Variants in AEBP1 observed in about 807,000 individuals in gnomAD.
The protein encoded by AEBP1 is adipocyte enhancer-binding protein 1.
Under a neutral mutation model 116.5 loss-of-function variants are expected in AEBP1, and 69 were observed. That is an observed-to-expected ratio of 0.59 (90% confidence interval 0.49 to 0.72). AEBP1 has a LOEUF of 0.72. AEBP1 is among the 30% of genes least tolerant of loss of function. The pLI is 0.00. For synonymous variants in AEBP1, 627 were observed against 627.3 expected (o/e 1.00, Z 0.01); for missense variants, 1,444 against 1,557.5 (o/e 0.93, Z 1.23).
Position 44,114,056 on chromosome 7 carries a change from C to T in AEBP1, c.3272C>T (p.Thr1091Ile). The change falls in exon 21 of 21, where the codon ACA becomes ATA. Residue 1091 changes from threonine to isoleucine, a missense_variant. Coordinates refer to ENST00000223357, the MANE Select transcript of AEBP1 (RefSeq NM_001129.5). ...SETETYTEVV[T>I]EFGTEVEPEF... ...ACTGAGACCTACACAGAGGTGGTGA[C>T]AGAGTTTGGGACCGAGGTGGAGCCC... The T allele has an allele frequency of 6.2e-7, 1 of 1,614,140 alleles. No homozygotes were observed. Among genetic ancestry groups the T allele is most frequent in the Non-Finnish European group, 8.5e-7 (1 of 1,180,028 alleles).
rs774072345 is a variant in AEBP1, at chr7:44,113,252, GTGCACC to G, written c.2711_2716del (p.Val904_Arg906delinsGly). 4 of 1,613,640 alleles carry G rather than the reference GTGCACC, an allele frequency of 2.5e-6. No homozygotes were observed. In the East Asian group the frequency reaches 8.9e-5, roughly 36 times the overall value. The stretch of plus-strand genomic sequence containing the variant: ...CAGCAGCCCTCACCTGCTTCCCTAG[GTGCACC>G]GCGGCATTAAGGGGGTGGTGACGGA... On this transcript the variant is annotated inframe_deletion and splice_region_variant, in exon 20 of 21. Transcript: ENST00000223357. The surrounding 1 kb of genome is among the most constrained non-coding windows in gnomAD (Gnocchi z 5.3).
Position 44,109,288 on chromosome 7 carries a change from A to G in AEBP1, c.1097A>G (p.Glu366Gly). 1 of 1,492,394 alleles carries G rather than the reference A, an allele frequency of 6.7e-7. No homozygotes were observed. Among genetic ancestry groups the G allele is most frequent in the Non-Finnish European group, 9.0e-7 (1 of 1,106,476 alleles). The allele number at this position is 1,492,394 out of a possible 1,614,324, so 92.4% of individuals were successfully genotyped here. A position where few individuals can be genotyped will look rare whatever the true frequency, so the allele number is the denominator to read the frequency against. Residue 366 changes from glutamate (E) to glycine (G), a missense_variant and splice_region_variant, in exon 9 of 21, where the codon GAG (glutamate) becomes GGG (glycine). Glu to Gly is a moderately conservative substitution (Grantham distance 98). Transcript: ENST00000223357. The stretch of plus-strand genomic sequence containing the variant: ...CATGTCCTCCCTTCATTGTCCCTAG[A>G]GCCCCGAAAGGGCGAGGAGTTGGAG... Reference protein sequence around the residue: ...WAVEKGKDHKEPRKGEELEEE... With the variant: ...WAVEKGKDHKGPRKGEELEEE...
At position 44,113,446 on chromosome 7, in the gene AEBP1, G is replaced by C. The variant is rs1011753891; in HGVS notation, c.2809+95G>C. 6 of 1,448,668 alleles carry C rather than the reference G, an allele frequency of 4.1e-6. No homozygotes were observed. The Admixed American group carries it at 8.2e-5, about 20-fold the overall frequency. The allele number at this position is 1,448,668 out of a possible 1,614,324, so 89.7% of individuals were successfully genotyped here. On this transcript the variant is annotated intron_variant, in intron 20 of 20. Transcript: ENST00000223357. The surrounding 1 kb of genome is among the most constrained non-coding windows in gnomAD (Gnocchi z 5.3). ...GAACTCAGCGAGCAGGTAGAGTCTGGGGAGCCTGGGGGCGAAATTCAGAGA... is the reference window on the plus strand; with the variant it reads ...GAACTCAGCGAGCAGGTAGAGTCTGCGGAGCCTGGGGGCGAAATTCAGAGA...
chr7:44,107,683 G>T lies in AEBP1; in HGVS notation c.722G>T (p.Arg241Met). The T allele has an allele frequency of 6.2e-7, 1 of 1,613,658 alleles. No individual in the cohort carries two copies. The highest frequency in any genetic ancestry group is 8.5e-7 in the Non-Finnish European group (1 of 1,179,956). The change falls in exon 4 of 21, where the codon AGG becomes ATG. Residue 241 changes from arginine (R) to methionine (M), a missense_variant. Coordinates refer to ENST00000223357, the MANE Select transcript of AEBP1 (RefSeq NM_001129.5). The surrounding 1 kb of genome is among the most constrained non-coding windows in gnomAD (Gnocchi z 4.3). ...CTGGACTACAATGACCAGATCGAGA[G>T]GGAGGACTATGAGGACTGTGAGTAG... ...PTLDYNDQIE[R>M]EDYEDFEYIR...
chr7:44,111,660 C>T lies in AEBP1; in HGVS notation c.1840+30C>T, dbSNP rs150181921. 1.4e-4 allele frequency: 226 copies of T among 1,608,360 alleles called. 3 individuals carry two copies. In the East Asian group the frequency reaches 4.9e-3, roughly 35 times the overall value. ...GGGTCTGTGGGGGCCAGCAGCTGGC[C>T]TCTGCTGCTGATGTGCAGAGCTCAC... On this transcript the variant is annotated intron_variant, in intron 15 of 20. Transcript: ENST00000223357. This position sits in a 1 kb window ranked among gnomAD's most constrained non-coding sequence, Gnocchi z 4.7.
chr7:44,113,475 A>T lies in AEBP1; in HGVS notation c.2810-119A>T. On this transcript the variant is annotated intron_variant, in intron 20 of 20. Coordinates refer to ENST00000223357, the MANE Select transcript of AEBP1 (RefSeq NM_001129.5). This position sits in a 1 kb window ranked among gnomAD's most constrained non-coding sequence, Gnocchi z 5.3. The stretch of plus-strand genomic sequence containing the variant: ...GCCTGGGGGCGAAATTCAGAGAGGG[A>T]GGGCGGTGCTGGGGGCGGGAACTCA... 1 of 709,356 alleles carries T rather than the reference A, an allele frequency of 1.4e-6. No homozygotes were observed. The highest frequency in any genetic ancestry group is 1.8e-6 in the Non-Finnish European group (1 of 570,310). 43.9% of individuals were successfully genotyped at this position (709,356 alleles called of 1,614,324 possible). A position where few individuals can be genotyped will look rare whatever the true frequency, so the allele number is the denominator to read the frequency against.
Position 44,112,698 on chromosome 7 carries a change from C to T in AEBP1, c.2358C>T (p.Ala786=). 3.1e-6 allele frequency: 5 copies of T among 1,613,220 alleles called. No homozygotes were observed. The highest frequency in any genetic ancestry group is 4.2e-6 in the Non-Finnish European group (5 of 1,179,974). ...CGCCTACCCAGGAGCAGCTGCTGGC[C>T]GCAGCCATGGCAGCAGCCCGGGGGG... ...ARTPTQEQLL[A]AAMAAARGED... Residue 786 remains alanine (A), a synonymous_variant, in exon 18 of 21, where the codon GCC becomes GCT. Coordinates refer to ENST00000223357, the MANE Select transcript of AEBP1 (RefSeq NM_001129.5). The surrounding 1 kb of genome is among the most constrained non-coding windows in gnomAD (Gnocchi z 6.6).
chr7:44,110,459 C>G, intron 11 of AEBP1, 113 bp downstream of exon 11: 1 of 1,484,036 alleles, frequency 6.7e-7, no homozygotes, highest in Non-Finnish European at 9.1e-7. Flanking sequence ...CCAAAGAAGG[C>G]CAAAAAGATC....
In AEBP1 at chr7:44,109,353, G is replaced by T. The variant is rs200315709; in HGVS notation, c.1150+12G>T. 1.2e-6 allele frequency: 1 copy of T among 863,140 alleles called. No homozygotes were observed. The allele number at this position is 863,140 out of a possible 1,614,324, so 53.5% of individuals were successfully genotyped here. ...TACGGAGAAAGTCAGTAAGTGGGGG[G>T]CACAAGGGGGTGAGGGTGGGGGCCA... On this transcript the variant is annotated intron_variant, in intron 9 of 20. Transcript: ENST00000223357.
rs2096234494 is a variant in AEBP1 at position 44,114,361 on chromosome 7, G to T, written c.*100G>T. ...CACATCACCCATCAGCACATGGAAG[G>T]CCCCTGGTATGGACACTGAAAGGAA... On this transcript the variant is annotated 3_prime_UTR_variant, in exon 21 of 21. Coordinates refer to ENST00000223357, the MANE Select transcript of AEBP1 (RefSeq NM_001129.5). 1 of 1,351,166 alleles carries T rather than the reference G, an allele frequency of 7.4e-7. No individual in the cohort carries two copies. The allele number at this position is 1,351,166 out of a possible 1,614,324, so 83.7% of individuals were successfully genotyped here.
At position 44,109,091 on chromosome 7, in the gene AEBP1, A is replaced by C. The variant is rs1586047482; in HGVS notation, c.1019-16A>C. ...AGAGCCAGGCTGACTGGCCCCTCCT[A>C]CCTTGCACCTTCCAGAGAAACCCAA... On this transcript the variant is annotated splice_polypyrimidine_tract_variant and intron_variant, in intron 7 of 20. Transcript: ENST00000223357. 1 of 1,613,172 alleles carries C rather than the reference A, an allele frequency of 6.2e-7. No individual in the cohort carries two copies. The highest frequency in any genetic ancestry group is 8.5e-7 in the Non-Finnish European group (1 of 1,179,890).
chr7:44,104,828 G>A lies in AEBP1; in HGVS notation c.163G>A (p.Glu55Lys). 1 of 1,598,122 alleles carries A rather than the reference G, an allele frequency of 6.3e-7. No homozygotes were observed. The highest frequency in any genetic ancestry group is 8.5e-7 in the Non-Finnish European group (1 of 1,173,392). Reference sequence around the variant, plus strand: ...ACCTGAGCCCCGGGAGGACGACGTGGAGGCCCCGCCGCCTCCCGAGCCCAC... The same window carrying A: ...ACCTGAGCCCCGGGAGGACGACGTGAAGGCCCCGCCGCCTCCCGAGCCCAC... ...LEPEPREDDV[E>K]APPPPEPTPR... The change falls in exon 1 of 21, where the codon GAG becomes AAG. Residue 55 changes from glutamate (E) to lysine (K), a missense_variant. Physicochemically the swap from Glu to Lys is moderately conservative, Grantham distance 56. Transcript: ENST00000223357.
Position 44,113,620 on chromosome 7 carries a change from T to C in AEBP1, c.2836T>C (p.Leu946=), listed in dbSNP as rs2096232649. 1 of 1,612,684 alleles carries C rather than the reference T, an allele frequency of 6.2e-7. No homozygotes were observed. Among genetic ancestry groups the C allele is most frequent in the South Asian group, 1.1e-5 (1 of 91,082 alleles). Residue 946 remains leucine, a synonymous_variant, in exon 21 of 21, where the codon TTG becomes CTG. Transcript: ENST00000223357. The surrounding 1 kb of genome is among the most constrained non-coding windows in gnomAD (Gnocchi z 5.3). ...TASGGDYWRI[L]NPGEYRVTAH... is the part of the protein sequence containing the mutation. ...CAGTGGTGGTGATTACTGGCGAATCTTGAACCCGGGTGAGTACCGCGTGAC... is the reference window on the plus strand; with the variant it reads ...CAGTGGTGGTGATTACTGGCGAATCCTGAACCCGGGTGAGTACCGCGTGAC...
intron 9 of AEBP1, chr7:44,109,575 A>C (rs1212197122): frequency 1.7e-6 from 1 of 591,426 alleles, no homozygotes; most frequent in Non-Finnish European, 3.0e-6. Context: ...CAGGGCCCCT[A>C]GTGGCTGGGC....
At position 44,107,886 on chromosome 7, in the gene AEBP1, C is replaced by A. The variant is rs2537188; in HGVS notation, c.817C>A (p.Pro273Thr). ...GAGGCCCGAGCGGGTCTGGCCAGAG[C>A]CCCCTGAGGAGAAGGCCCCGGCCCC... Reference protein sequence around the residue: ...RRRPERVWPEPPEEKAPAPAP... With the variant: ...RRRPERVWPETPEEKAPAPAP... Residue 273 changes from proline to threonine, a missense_variant, in exon 5 of 21, where the codon CCC becomes ACC. Coordinates refer to ENST00000223357, the MANE Select transcript of AEBP1 (RefSeq NM_001129.5). The surrounding 1 kb of genome is among the most constrained non-coding windows in gnomAD (Gnocchi z 4.3). The A allele has an allele frequency of 0.37, 595,638 of 1,598,658 alleles. 112,701 individuals carry two copies. Among genetic ancestry groups the A allele is most frequent in the South Asian group, 0.51 (45,092 of 89,260 alleles).
Position 44,112,213 on chromosome 7 carries a change from G to A in AEBP1, c.2109G>A (p.Pro703=), listed in dbSNP as rs774283193. Residue 703 remains proline, a synonymous_variant, in exon 17 of 21, where the codon CCG becomes CCA. Transcript: ENST00000223357. This position sits in a 1 kb window ranked among gnomAD's most constrained non-coding sequence, Gnocchi z 6.6. ...GCTTTGACATCTTTGAAGATTTCCC[G>A]GATCTCAACTCTGTGCTCTGGGGAG... ...EEGFDIFEDF[P]DLNSVLWGAE... is the part of the protein sequence containing the mutation. The A allele has an allele frequency of 1.2e-6, 2 of 1,609,610 alleles. No individual in the cohort carries two copies. The highest frequency in any genetic ancestry group is 1.1e-5 in the South Asian group (1 of 90,940).
rs774327041 is a variant in AEBP1 at position 44,110,095 on chromosome 7, G to T, written c.1231G>T (p.Gly411Trp). 2.5e-6 allele frequency: 4 copies of T among 1,613,002 alleles called. No homozygotes were observed. In the African/African-American group the frequency reaches 5.3e-5, roughly 22 times the overall value. The change falls in exon 10 of 21, where the codon GGG (glycine) becomes TGG (tryptophan). Residue 411 changes from glycine (G) to tryptophan (W), a missense_variant. By Grantham distance (184) the Gly-to-Trp change is radical. Transcript: ENST00000223357. The stretch of plus-strand genomic sequence containing the variant: ...CTCCTCCATGCTGCGCCACGGCCTG[G>T]GGGCACAGCGCGGCCGGCTCAACAT... ...RASSMLRHGL[G>W]AQRGRLNMQT... is the part of the protein sequence containing the mutation.
chr7:44,104,694 T>C lies in AEBP1; in HGVS notation c.29T>C (p.Leu10Pro). 6.3e-7 allele frequency: 1 copy of C among 1,596,154 alleles called. No individual in the cohort carries two copies. Among genetic ancestry groups the C allele is most frequent in the Non-Finnish European group, 8.5e-7 (1 of 1,172,526 alleles). Residue 10 changes from leucine (L) to proline (P), a missense_variant, in exon 1 of 21, where the codon CTC becomes CCC. By Grantham distance (98) the Leu-to-Pro change is moderately conservative. Coordinates refer to ENST00000223357, the MANE Select transcript of AEBP1 (RefSeq NM_001129.5). The part of the protein sequence containing the change: MAAVRGAPL[L>P]SCLLALLALC... ...GCGGCCGTGCGCGGGGCGCCCCTGC[T>C]CAGCTGCCTCCTGGCGTTGCTGGCC...
chr7:44,106,828 T>C lies in AEBP1; in HGVS notation c.536T>C (p.Leu179Pro). ...CCCATTCTGGCTCCCTCAGAAACCC[T>C]GGAGTGGCCACTGCCCCCACCCCCC... ...RPPILAPSETLEWPLPPPPSP... is the reference protein window; with the variant it reads ...RPPILAPSETPEWPLPPPPSP... The change falls in exon 2 of 21, where the codon CTG (leucine) becomes CCG (proline). Residue 179 changes from leucine (L) to proline (P), a missense_variant. Transcript: ENST00000223357. 1 of 1,606,866 alleles carries C rather than the reference T, an allele frequency of 6.2e-7. No individual in the cohort carries two copies. The highest frequency in any genetic ancestry group is 8.5e-7 in the Non-Finnish European group (1 of 1,177,824).
Sources: allele counts gnomAD v4.1 joint callset, GRCh38; gene constraint gnomAD v4.1.1; non-coding constraint Gnocchi (gnomAD v3.1); transcripts MANE v1.5; gene names NCBI Gene and HGNC (gene_info 2026-07-23, HGNC 2026-07-21).